Variants in GRIK3 observed in about 807,000 individuals in gnomAD.
GRIK3 encodes glutamate receptor ionotropic, kainate 3.
Under a neutral mutation model 102.5 loss-of-function variants are expected in GRIK3, and 29 were observed. The observed-to-expected ratio is 0.28, with a 90% CI of 0.21 to 0.39. GRIK3 has a LOEUF of 0.39. Ranked by LOEUF, GRIK3 falls within the 10% of genes least tolerant of loss-of-function variation. The probability of loss-of-function intolerance (pLI) is 1.00; values close to 1 mark genes in which losing one functional copy is unlikely to be tolerated. For missense variants in GRIK3, 908 were observed against 1,252.4 expected (o/e 0.73, Z 4.15); for synonymous variants, 511 against 504.9 (o/e 1.01, Z -0.16).
intron 1 of GRIK3, among the ~76,000 whole-genome samples, chr1:36,943,115 G>A (rs1050031299): frequency 5.3e-5 from 8 of 152,194 alleles, no homozygotes; most frequent in Non-Finnish European, 1.0e-4. Context: ...TGAGGCATGA[G>A]GAGTTTAAGT....
intron 1 of GRIK3, among the ~76,000 whole-genome samples, chr1:37,006,772 G>A (rs933382048): frequency 6.6e-5 from 10 of 152,258 alleles, no homozygotes; most frequent in Admixed American, 4.6e-4. Context: ...TGGCAGCTAT[G>A]CGATGGATCC....
At chr1:36,960,810 C>T (rs561105128) in intron 1 of GRIK3, among the ~76,000 whole-genome samples, 1 of 152,304 alleles carries the variant, frequency 6.6e-6, no homozygotes, top group Non-Finnish European at 1.5e-5. Flanking sequence ...CCTCCTTCCC[C>T]CACCCTGCGA....
intron 1 of GRIK3, among the ~76,000 whole-genome samples, chr1:36,953,350 G>C (rs1641867754): frequency 6.6e-6 from 1 of 152,186 alleles, no homozygotes; most frequent in Non-Finnish European, 1.5e-5. Context: ...CCTCCCTGCA[G>C]ATATGCTGTT....
intron 1 of GRIK3, among the ~76,000 whole-genome samples, chr1:36,936,537 C>CT (rs1231867360): frequency 6.6e-6 from 1 of 152,222 alleles, no homozygotes; most frequent in Non-Finnish European, 1.5e-5. Flanking sequence ...CTGATGAATG[C>CT]TTTCCTGATC....
intron 1 of GRIK3, among the ~76,000 whole-genome samples, chr1:36,893,688 A>G (rs1253535366): frequency 6.6e-6 from 1 of 152,256 alleles, no homozygotes; most frequent in Non-Finnish European, 1.5e-5. Flanking sequence ...GGAATTTGAT[A>G]TCTAGAAATG....
At position 37,022,590 on chromosome 1, in the gene GRIK3, T is replaced by C. The variant is rs1005824870; in HGVS notation, c.115+11404A>G. 2.0e-4 allele frequency among the ~76,000 whole-genome samples: 30 copies of C among 152,214 alleles called. 1 individual carries two copies. Among genetic ancestry groups the C allele is most frequent in the African/African-American group, 4.8e-5 (2 of 41,456 alleles). On this transcript the variant is annotated intron_variant, in intron 1 of 15. Transcript: ENST00000373091. The stretch of plus-strand genomic sequence containing the variant: ...CTAAAAGGTCCTGGCACAGAAAAAG[T>C]TGCAGAACTGGTGTGTCAGAAGACC...
Position 36,806,576 on chromosome 1 carries a change from C to T in GRIK3, c.2092-250G>A, listed in dbSNP as rs1352046368. On this transcript the variant is annotated intron_variant, in intron 13 of 15. Transcript: ENST00000373091. This position sits in a 1 kb window ranked among gnomAD's most constrained non-coding sequence, Gnocchi z 4.0. The stretch of plus-strand genomic sequence containing the variant: ...CTTCCTGGAAACCCTGGCCATGGCA[C>T]AAGTGGTCTTCAAGCTGACTTTTTA... 6.6e-6 allele frequency among the ~76,000 whole-genome samples: 1 copy of T among 152,170 alleles called. No individual in the cohort carries two copies. Among genetic ancestry groups the T allele is most frequent in the Non-Finnish European group, 1.5e-5 (1 of 68,042 alleles).
chr1:36,859,501 C>T (rs1237850048), intron 6 of GRIK3, among the ~76,000 whole-genome samples: 1 of 151,564 alleles, frequency 6.6e-6, no homozygotes, highest in Non-Finnish European at 1.5e-5. Context: ...CCCACCCCAC[C>T]CCTGCTACCT....
At chr1:36,916,758 T>C (rs1054316309) in intron 1 of GRIK3, among the ~76,000 whole-genome samples, 2 of 152,266 alleles carry the variant, frequency 1.3e-5, no homozygotes, top group Middle Eastern at 3.4e-3. Flanking sequence ...AGAGGATGTA[T>C]GGAAACACCT....
At chr1:36,885,788 G>A in intron 2 of GRIK3, among the ~76,000 whole-genome samples, 1 of 152,162 alleles carries the variant, frequency 6.6e-6, no homozygotes, top group East Asian at 1.9e-4. Flanking sequence ...TGTTCTGGCA[G>A]CCCTGATCAC....
chr1:36,886,606 C>T (rs1641040084), intron 2 of GRIK3, among the ~76,000 whole-genome samples: 1 of 152,166 alleles, frequency 6.6e-6, no homozygotes, highest in Admixed American at 6.5e-5. Context: ...TTAGGCATGT[C>T]ATCACAGGGA....
Position 36,958,933 on chromosome 1 carries a change from CT to C in GRIK3, c.116-67838del, listed in dbSNP as rs1641962549. 1.6e-5 allele frequency among the ~76,000 whole-genome samples: 2 copies of C among 123,578 alleles called. 1 individual carries two copies. The allele number at this position is 123,578 out of a possible 152,430, so 81.1% of individuals were successfully genotyped here. ...TCTGTGCCCCATGAGCCTGTGTGCC[CT>C]GTGAGCCTGTGTGCCCTGTGAGCCT... On this transcript the variant is annotated intron_variant, in intron 1 of 15. Coordinates refer to ENST00000373091, the MANE Select transcript of GRIK3 (RefSeq NM_000831.4).
chr1:36,964,963 A>T (rs1642064101), intron 1 of GRIK3, among the ~76,000 whole-genome samples: 1 of 152,194 alleles, frequency 6.6e-6, no homozygotes, highest in Non-Finnish European at 1.5e-5. Flanking sequence ...TAATTCCCCC[A>T]ATTATAAGAC....
At chr1:36,965,078 G>C (rs1557444291) in intron 1 of GRIK3, among the ~76,000 whole-genome samples, 1 of 152,214 alleles carries the variant, frequency 6.6e-6, no homozygotes, top group Non-Finnish European at 1.5e-5. Flanking sequence ...TGTGGTACCT[G>C]AAAAAGCAGG....
chr1:36,806,369 C>A lies in GRIK3; in HGVS notation c.2092-43G>T. The A allele has an allele frequency of 7.6e-7, 1 of 1,316,288 alleles. No homozygotes were observed. The highest frequency in any genetic ancestry group is 1.8e-5 in the Admixed American group (1 of 56,774). 81.5% of individuals were successfully genotyped at this position (1,316,288 alleles called of 1,614,324 possible). On this transcript the variant is annotated intron_variant, in intron 13 of 15. Coordinates refer to ENST00000373091, the MANE Select transcript of GRIK3 (RefSeq NM_000831.4). This position sits in a 1 kb window ranked among gnomAD's most constrained non-coding sequence, Gnocchi z 4.0. ...GGGTGATGCACACACCGTTACTAGG[C>A]GCACCAGGGACCAAGCACCGCATAC...
chr1:36,848,769 C>T (rs999944260), intron 9 of GRIK3, among the ~76,000 whole-genome samples: 3 of 150,206 alleles, frequency 2.0e-5, no homozygotes, highest in Non-Finnish European at 4.4e-5. Context: ...TCATCCTTTA[C>T]ATTTTTACAT....
chr1:36,933,279 G>A (rs1355706313), intron 1 of GRIK3, among the ~76,000 whole-genome samples: 3 of 152,044 alleles, frequency 2.0e-5, no homozygotes, highest in African/African-American at 7.2e-5. Context: ...CTTTGCTCAA[G>A]GTGTCAAACC....
intron 4 of GRIK3, 36 bp from the exon 5 acceptor site, chr1:36,869,837 A>T (rs1032074091): frequency 1.3e-6 from 2 of 1,558,402 alleles, no homozygotes; most frequent in African/African-American, 2.7e-5. Context: ...TCAGCAGGGA[A>T]CCCCTGGGCA....
intron 1 of GRIK3, among the ~76,000 whole-genome samples, chr1:37,004,416 C>T (rs575115429): frequency 5.8e-4 from 88 of 152,276 alleles, no homozygotes; most frequent in African/African-American, 2.0e-3. Flanking sequence ...CTAAGTGACC[C>T]CAGAAGAACC....
Sources: gnomAD v4.1 joint callset for allele counts (sites outside exome capture counted in the v4.1 genomes callset) on GRCh38, gnomAD v4.1.1 for gene constraint, Gnocchi (gnomAD v3.1) non-coding constraint, MANE v1.5 for transcripts, NCBI Gene and HGNC (gene_info 2026-07-23, HGNC 2026-07-21) for gene names.